The following TENM3 variants were observed in gnomAD, a reference collection of about 807,000 sequenced individuals.
TENM3 encodes teneurin-3.
Under a neutral mutation model 255.1 loss-of-function variants are expected in TENM3, and 63 were observed. That is an observed-to-expected ratio of 0.25 (90% CI 0.20 to 0.30). The LOEUF (loss-of-function observed/expected upper bound fraction) is 0.30. Ranked by LOEUF, TENM3 falls within the 10% of genes least tolerant of loss-of-function variation. TENM3 has a pLI of 1.00. For missense variants in TENM3, 2,929 were observed against 3,461.1 expected (o/e 0.85, Z 3.86); for synonymous variants, 1,306 against 1,322.3 (o/e 0.99, Z 0.27).
At chr4:181,491,118 T>C in the TENM3 span, among the ~76,000 whole-genome samples, 1 of 151,076 alleles carries the variant, frequency 6.6e-6, no homozygotes, top group Non-Finnish European at 1.5e-5. Flanking sequence ...ATGGTCTACC[T>C]GAAAAAAAAA....
chr4:182,093,779 G>A, the TENM3 span, among the ~76,000 whole-genome samples: 1 of 152,046 alleles, frequency 6.6e-6, no homozygotes, highest in Non-Finnish European at 1.5e-5. Flanking sequence ...CCACGACAGG[G>A]TCCCTCCAGG....
rs138534484 is a variant in TENM3 at position 182,616,929 on chromosome 4, A to T, written c.750-11722A>T. Among the ~76,000 whole-genome samples, 114 of 152,246 alleles carry T rather than the reference A, an allele frequency of 7.5e-4. 1 individual carries two copies. The East Asian group carries it at 0.021, about 29-fold the overall frequency. On this transcript the variant is annotated intron_variant, in intron 4 of 27. Transcript: ENST00000511685. ...GTTTAATAGCTGCCAGAAATTTCCT[A>T]TTCCTTTCATCATTCTCTAAAGCAC...
chr4:181,992,354 A>C, the TENM3 span, among the ~76,000 whole-genome samples: 1 of 152,214 alleles, frequency 6.6e-6, no homozygotes, highest in African/African-American at 2.4e-5. Flanking sequence ...GCAGATTACT[A>C]ATTCACAAAT....
At chr4:181,886,173 C>T in the TENM3 span, among the ~76,000 whole-genome samples, 2 of 151,888 alleles carry the variant, frequency 1.3e-5, no homozygotes, top group East Asian at 1.9e-4. Flanking sequence ...CCGCCTCAGC[C>T]TCCTGAGTAG....
At chr4:182,066,773 T>A in the TENM3 span, among the ~76,000 whole-genome samples, 7 of 151,584 alleles carry the variant, frequency 4.6e-5, no homozygotes, top group South Asian at 8.3e-4. Context: ...TAGCCGGGCG[T>A]GGTGGCAGGC....
chr4:181,480,908 C>T, the TENM3 span, among the ~76,000 whole-genome samples: 1 of 150,820 alleles, frequency 6.6e-6, no homozygotes, highest in South Asian at 2.1e-4. Context: ...AAGGTCTTGG[C>T]AGCATTATTA....
At chr4:182,510,809 C>T (rs1737318945) in intron 3 of TENM3, among the ~76,000 whole-genome samples, 1 of 152,156 alleles carries the variant, frequency 6.6e-6, no homozygotes, top group African/African-American at 2.4e-5. Context: ...TTGTAAGCCA[C>T]ATCAAATCCT....
intron 19 of TENM3, among the ~76,000 whole-genome samples, chr4:182,747,411 A>G (rs531885537): frequency 6.6e-6 from 1 of 152,336 alleles, no homozygotes; most frequent in South Asian, 2.1e-4. Flanking sequence ...ACTTTAGTGA[A>G]TAGGTATAAA....
intron 26 of TENM3, among the ~76,000 whole-genome samples, chr4:182,795,486 C>T (rs1473041530): frequency 1.3e-5 from 2 of 152,178 alleles, no homozygotes; most frequent in South Asian, 4.1e-4. Context: ...CTCCCCACCA[C>T]CACTACTACC....
chr4:182,276,146 G>T (rs768737611), intron 1 of TENM3, among the ~76,000 whole-genome samples: 7 of 152,088 alleles, frequency 4.6e-5, no homozygotes, highest in Non-Finnish European at 5.9e-5. Context: ...AGAGCCCACA[G>T]ATCCAAAAAG....
chr4:182,754,933 C>T lies in TENM3; in HGVS notation c.4566C>T (p.Tyr1522=), dbSNP rs766860401. ...EVASPTDQEL[Y]IFDINGTHQY... ...CGTCTCCAACTGATCAAGAACTCTA[C>T]ATCTTTGACATCAATGGTACTCACC... Residue 1522 remains tyrosine (Y), a synonymous_variant, in exon 22 of 28, where the codon TAC becomes TAT. Transcript: ENST00000511685. The surrounding 1 kb of genome is among the most constrained non-coding windows in gnomAD (Gnocchi z 5.1). 1 of 1,614,030 alleles carries T rather than the reference C, an allele frequency of 6.2e-7. No homozygotes were observed. Among genetic ancestry groups the T allele is most frequent in the Admixed American group, 1.7e-5 (1 of 60,034 alleles).
chr4:182,687,239 A>G (rs73869814), intron 11 of TENM3, among the ~76,000 whole-genome samples: 2,710 of 152,284 alleles, frequency 0.018, 92 homozygotes, highest in African/African-American at 0.063. Context: ...CAATAGTCTT[A>G]GAATTTTAGG....
intron 13 of TENM3, among the ~76,000 whole-genome samples, chr4:182,722,422 G>A (rs1055818797): frequency 2.0e-5 from 3 of 152,196 alleles, no homozygotes; most frequent in African/African-American, 4.8e-5. Context: ...CCTACTTGGC[G>A]CCAGCAAGTG....
the TENM3 span, among the ~76,000 whole-genome samples, chr4:181,785,100 A>AGG: frequency 4.6e-5 from 7 of 152,318 alleles, no homozygotes; most frequent in South Asian, 1.4e-3. Context: ...AAAAGGCTTA[A>AGG]GGGGAGAGTG....
the TENM3 span, among the ~76,000 whole-genome samples, chr4:181,538,845 C>A: frequency 1.3e-5 from 2 of 152,256 alleles, no homozygotes; most frequent in South Asian, 4.1e-4. Flanking sequence ...TTACTTCTTT[C>A]TTTGTTCTAA....
the TENM3 span, among the ~76,000 whole-genome samples, chr4:181,737,543 A>T: frequency 1.3e-5 from 2 of 152,110 alleles, no homozygotes; most frequent in Non-Finnish European, 1.5e-5. Context: ...TTCAGGGGGA[A>T]AAAAACGCTG....
At chr4:182,303,877 T>TA (rs1470208178) in intron 1 of TENM3, among the ~76,000 whole-genome samples, 4 of 152,230 alleles carry the variant, frequency 2.6e-5, no homozygotes, top group African/African-American at 9.6e-5. Context: ...GTGTTCATTT[T>TA]AATGGTTTAA....
At chr4:181,805,219 G>C in the TENM3 span, among the ~76,000 whole-genome samples, 3 of 152,072 alleles carry the variant, frequency 2.0e-5, no homozygotes, top group African/African-American at 7.2e-5. Context: ...ATTCCTATTA[G>C]GATGAAAACC....
intron 1 of TENM3, among the ~76,000 whole-genome samples, chr4:182,149,978 C>G (rs967203234): frequency 6.6e-6 from 1 of 151,974 alleles, no homozygotes; most frequent in Non-Finnish European, 1.5e-5. Flanking sequence ...AAAATTGTAT[C>G]ATTTATATAA....
Sources: allele counts gnomAD v4.1 joint callset (sites outside exome capture counted in the v4.1 genomes callset), GRCh38; gene constraint gnomAD v4.1.1; non-coding constraint Gnocchi (gnomAD v3.1); transcripts MANE v1.5; gene names NCBI Gene and HGNC (gene_info 2026-07-23, HGNC 2026-07-21).